SLC24A2: variants seen among roughly 807,000 people sequenced by gnomAD.
SLC24A2 encodes solute carrier family 24 member 2, also known as sodium/potassium/calcium exchanger 2.
In SLC24A2, 36 loss-of-function variants were observed where a neutral mutation model predicts 62.0. The ratio of observed to expected loss-of-function variants is 0.58; its 90% CI spans 0.44 to 0.77. SLC24A2 has a LOEUF of 0.77. SLC24A2 is among the 30% of genes least tolerant of loss of function. The pLI is 0.00. For synonymous variants in SLC24A2, 358 were observed against 294.0 expected (o/e 1.22, Z -2.23); for missense variants, 846 against 817.9 (o/e 1.03, Z -0.42).
the SLC24A2 span, among the ~76,000 whole-genome samples, chr9:19,814,913 C>A: frequency 6.6e-6 from 1 of 152,142 alleles, no homozygotes; most frequent in Non-Finnish European, 1.5e-5. Flanking sequence ...AAGATAATGT[C>A]TGAAAACAGT....
chr9:19,817,926 G>A, the SLC24A2 span, among the ~76,000 whole-genome samples: 3 of 151,928 alleles, frequency 2.0e-5, no homozygotes, highest in African/African-American at 7.3e-5. Flanking sequence ...TAGGGATGGA[G>A]TCTATGTTAC....
At chr9:19,900,094 C>T in the SLC24A2 span, among the ~76,000 whole-genome samples, 1 of 152,220 alleles carries the variant, frequency 6.6e-6, no homozygotes, top group East Asian at 1.9e-4. Context: ...AGGTTGCAGT[C>T]TGTCTCTAGG....
At chr9:19,654,476 C>A (rs1564019935) in intron 2 of SLC24A2, among the ~76,000 whole-genome samples, 1 of 152,168 alleles carries the variant, frequency 6.6e-6, no homozygotes, top group Non-Finnish European at 1.5e-5. Context: ...CTTCTCTGCC[C>A]ATTCGATTGC....
chr9:20,088,504 G>C, the SLC24A2 span, among the ~76,000 whole-genome samples: 33 of 152,258 alleles, frequency 2.2e-4, no homozygotes, highest in African/African-American at 7.5e-4. Flanking sequence ...CCCGGCCTAG[G>C]TCTACAACCA....
intron 7 of SLC24A2, among the ~76,000 whole-genome samples, chr9:19,557,048 T>C (rs1004277864): frequency 1.4e-4 from 21 of 152,100 alleles, no homozygotes; most frequent in African/African-American, 5.1e-4. Flanking sequence ...AGCCCCCTCA[T>C]TTGATGGGTA....
At chr9:20,100,840 C>T in the SLC24A2 span, among the ~76,000 whole-genome samples, 1 of 151,968 alleles carries the variant, frequency 6.6e-6, no homozygotes, top group African/African-American at 2.4e-5. Context: ...TTTTTCCATC[C>T]TCCTACTACC....
At chr9:20,255,544 G>A in the SLC24A2 span, among the ~76,000 whole-genome samples, 1 of 152,196 alleles carries the variant, frequency 6.6e-6, no homozygotes, top group African/African-American at 2.4e-5. Flanking sequence ...CCACTTCCAA[G>A]TTGATTCACT....
At chr9:20,098,147 T>C in the SLC24A2 span, among the ~76,000 whole-genome samples, 2 of 152,194 alleles carry the variant, frequency 1.3e-5, no homozygotes, top group African/African-American at 4.8e-5. Context: ...GTTACTTAGC[T>C]ATCAGGTTCT....
At chr9:19,853,948 G>T in the SLC24A2 span, among the ~76,000 whole-genome samples, 1 of 152,102 alleles carries the variant, frequency 6.6e-6, no homozygotes, top group Non-Finnish European at 1.5e-5. Flanking sequence ...GCTTTTTCTT[G>T]TTGGTAGGCT....
the SLC24A2 span, among the ~76,000 whole-genome samples, chr9:20,103,131 A>G: frequency 1.5e-3 from 236 of 152,354 alleles, 1 homozygote; most frequent in African/African-American, 5.2e-3. Flanking sequence ...GCAAGGTGGC[A>G]GCCAGGCTGA....
chr9:19,563,486 A>G (rs575991070), intron 7 of SLC24A2, among the ~76,000 whole-genome samples: 4 of 152,318 alleles, frequency 2.6e-5, no homozygotes, highest in African/African-American at 9.6e-5. Context: ...ACTAAGGATA[A>G]TATTTTAGGA....
the SLC24A2 span, among the ~76,000 whole-genome samples, chr9:19,869,299 C>A: frequency 1.3e-5 from 2 of 152,154 alleles, no homozygotes; most frequent in Non-Finnish European, 2.9e-5. Context: ...GGACTTATGT[C>A]TGCTATTTGG....
chr9:19,532,658 G>A (rs1833764586), intron 8 of SLC24A2, among the ~76,000 whole-genome samples: 1 of 152,208 alleles, frequency 6.6e-6, no homozygotes, highest in Non-Finnish European at 1.5e-5. Flanking sequence ...CTGGCCCAGA[G>A]TCTTGGCTTT....
the SLC24A2 span, among the ~76,000 whole-genome samples, chr9:19,899,454 T>C: frequency 6.6e-6 from 1 of 152,164 alleles, no homozygotes; most frequent in Non-Finnish European, 1.5e-5. Flanking sequence ...CAAGCCAAAG[T>C]CTTGCTATGT....
chr9:19,890,065 C>A, the SLC24A2 span, among the ~76,000 whole-genome samples: 1 of 152,138 alleles, frequency 6.6e-6, no homozygotes, highest in Non-Finnish European at 1.5e-5. Flanking sequence ...ACCAATATAA[C>A]CTCTCCATTA....
At chr9:19,777,497 A>G (rs1034445050) in intron 2 of SLC24A2, among the ~76,000 whole-genome samples, 1 of 152,232 alleles carries the variant, frequency 6.6e-6, no homozygotes, top group Admixed American at 6.5e-5. Flanking sequence ...TAAATATTGC[A>G]ATAAATGGCA....
chr9:20,263,060 A>G, the SLC24A2 span, among the ~76,000 whole-genome samples: 1 of 152,172 alleles, frequency 6.6e-6, no homozygotes, highest in Non-Finnish European at 1.5e-5. Flanking sequence ...ATTGTCCTCA[A>G]TCCACTGGAG....
chr9:19,543,948 G>T (rs900493432), intron 8 of SLC24A2, among the ~76,000 whole-genome samples: 3 of 152,218 alleles, frequency 2.0e-5, no homozygotes, highest in African/African-American at 7.2e-5. Context: ...TATTAGGTCT[G>T]CTTGTTCCAG....
chr9:20,073,836 C>T, the SLC24A2 span, among the ~76,000 whole-genome samples: 1 of 149,238 alleles, frequency 6.7e-6, no homozygotes, highest in Non-Finnish European at 1.5e-5. Flanking sequence ...CTAATACAAA[C>T]TTCATATATG....
Sources: allele counts gnomAD v4.1 joint callset (sites outside exome capture counted in the v4.1 genomes callset), GRCh38; gene constraint gnomAD v4.1.1; transcripts MANE v1.5; gene names NCBI Gene and HGNC (gene_info 2026-07-23, HGNC 2026-07-21).